The following MDFIC variants were observed in gnomAD, a reference collection of about 807,000 sequenced individuals.
MDFIC encodes the protein myoD family inhibitor domain-containing protein.
A neutral mutation model predicts 23.2 loss-of-function variants in MDFIC; 17 were observed. The ratio of observed to expected loss-of-function variants is 0.73; its 90% confidence interval spans 0.50 to 1.10. The LOEUF is 1.10. MDFIC is among the 50% of genes least tolerant of loss of function. MDFIC has a pLI of 0.00. For missense variants in MDFIC, 356 were observed against 316.6 expected (o/e 1.12, Z -0.95); for synonymous variants, 120 against 115.2 (o/e 1.04, Z -0.27).
intron 4 of MDFIC, among the ~76,000 whole-genome samples, chr7:115,007,987 C>G (rs372482837): frequency 6.6e-6 from 1 of 151,440 alleles, no homozygotes; most frequent in African/African-American, 2.4e-5. Flanking sequence ...AATGAACTAC[C>G]GCACCCCAGC....
chr7:114,938,312 AT>A (rs1792470080), intron 2 of MDFIC, among the ~76,000 whole-genome samples: 1 of 152,214 alleles, frequency 6.6e-6, no homozygotes, highest in African/African-American at 2.4e-5. Context: ...ATACCTCTAT[AT>A]TAATTAGATG....
At chr7:114,934,397 A>G (rs1350257559) in intron 2 of MDFIC, among the ~76,000 whole-genome samples, 1 of 152,126 alleles carries the variant, frequency 6.6e-6, no homozygotes, top group African/African-American at 2.4e-5. Context: ...ATTTATTGAG[A>G]TATATTTTAA....
At chr7:114,941,390 C>T (rs1440763579) in intron 2 of MDFIC, among the ~76,000 whole-genome samples, 3 of 152,206 alleles carry the variant, frequency 2.0e-5, no homozygotes, top group Non-Finnish European at 4.4e-5. Flanking sequence ...ATTTGCCACT[C>T]ATAGTACTTC....
intron 4 of MDFIC, chr7:115,014,397 A>AT: frequency 7.8e-7 from 1 of 1,289,110 alleles, no homozygotes; most frequent in Non-Finnish European, 1.0e-6. Flanking sequence ...GAAGCGCATG[A>AT]TTTTTTATTA....
rs151113214 is a variant in MDFIC at position 114,998,025 on chromosome 7, A to T, written c.494-17663A>T. ...CTAAGAAAATATTTTATCATTTGGG[A>T]CGATGAAAAATACACTAAAAGTTTC... On this transcript the variant is annotated intron_variant, in intron 4 of 4. Coordinates refer to ENST00000393486, the MANE Select transcript of MDFIC (RefSeq NM_001166345.3). Among the ~76,000 whole-genome samples, 412 of 152,276 alleles carry T rather than the reference A, an allele frequency of 2.7e-3. 1 individual carries two copies. Among genetic ancestry groups the T allele is most frequent in the African/African-American group, 8.6e-3 (358 of 41,574 alleles).
intron 3 of MDFIC, among the ~76,000 whole-genome samples, chr7:114,944,768 A>G (rs897048325): frequency 6.6e-6 from 1 of 152,182 alleles, no homozygotes; most frequent in African/African-American, 2.4e-5. Context: ...CTTTTGTAAT[A>G]ACAATAGGCC....
At chr7:114,950,120 G>A (rs915997723) in intron 3 of MDFIC, among the ~76,000 whole-genome samples, 1 of 152,156 alleles carries the variant, frequency 6.6e-6, no homozygotes, top group African/African-American at 2.4e-5. Flanking sequence ...TATATTTTAG[G>A]ATGATGACTC....
intron 4 of MDFIC, among the ~76,000 whole-genome samples, chr7:115,013,023 G>T (rs1004953343): frequency 3.2e-4 from 49 of 152,082 alleles, no homozygotes; most frequent in African/African-American, 1.1e-3. Context: ...ATCAATCATT[G>T]TATGTTAATT....
intron 3 of MDFIC, among the ~76,000 whole-genome samples, chr7:114,949,263 TA>T (rs1489894612): frequency 6.6e-6 from 1 of 152,166 alleles, no homozygotes; most frequent in Non-Finnish European, 1.5e-5. Context: ...GAGATGGCAT[TA>T]AAGTGTAAGT....
intron 4 of MDFIC, among the ~76,000 whole-genome samples, chr7:115,008,664 G>A (rs1328471255): frequency 6.6e-6 from 1 of 152,152 alleles, no homozygotes; most frequent in Non-Finnish European, 1.5e-5. Flanking sequence ...TGTGGTATTA[G>A]TAAACATTTC....
intron 3 of MDFIC, among the ~76,000 whole-genome samples, chr7:114,972,958 T>C (rs894127349): frequency 6.6e-6 from 1 of 152,142 alleles, no homozygotes. Flanking sequence ...GCATTCTTTC[T>C]ACTACTATTA....
intron 2 of MDFIC, among the ~76,000 whole-genome samples, chr7:114,939,612 G>A (rs910731936): frequency 6.6e-6 from 1 of 152,120 alleles, no homozygotes; most frequent in African/African-American, 2.4e-5. Flanking sequence ...ATATAGTTGT[G>A]CATCTATGTG....
At chr7:115,006,286 G>A (rs896196210) in intron 4 of MDFIC, among the ~76,000 whole-genome samples, 2 of 152,176 alleles carry the variant, frequency 1.3e-5, no homozygotes, top group African/African-American at 4.8e-5. Context: ...TGTGAATATT[G>A]TCAGTATCAG....
intron 2 of MDFIC, among the ~76,000 whole-genome samples, chr7:114,927,590 A>T (rs950001008): frequency 6.6e-6 from 1 of 152,152 alleles, no homozygotes; most frequent in African/African-American, 2.4e-5. Context: ...ATTAATAAGG[A>T]TGAGAGACTA....
rs2115650350 is a variant in MDFIC, at chr7:114,922,321, T to C, written c.-423T>C. 1.0e-6 allele frequency: 1 copy of C among 956,562 alleles called. No homozygotes were observed. The highest frequency in any genetic ancestry group is 1.4e-6 in the Non-Finnish European group (1 of 737,628). 59.3% of individuals were successfully genotyped at this position (956,562 alleles called of 1,614,324 possible). A position where few individuals can be genotyped will look rare whatever the true frequency, so the allele number is the denominator to read the frequency against. Reference sequence around the variant, plus strand: ...CAACAGAGGGAGAAGTGTTTCAGGATTGTAGGAGTGGAAGAGGGGAAAGAG... The same window carrying C: ...CAACAGAGGGAGAAGTGTTTCAGGACTGTAGGAGTGGAAGAGGGGAAAGAG... On this transcript the variant is annotated 5_prime_UTR_variant, in exon 1 of 5. Coordinates refer to ENST00000393486, the MANE Select transcript of MDFIC (RefSeq NM_001166345.3).
At chr7:114,997,756 GAAA>G (rs763082935) in intron 4 of MDFIC, among the ~76,000 whole-genome samples, 1 of 51,422 alleles carries the variant, frequency 1.9e-5, no homozygotes, top group East Asian at 4.4e-4. Context: ...CATCTAAACA[GAAA>G]AAAAAAAAGA....
At chr7:114,985,404 G>A (rs987620355) in intron 4 of MDFIC, among the ~76,000 whole-genome samples, 3 of 152,110 alleles carry the variant, frequency 2.0e-5, no homozygotes, top group Non-Finnish European at 4.4e-5. Context: ...GACAAAGATA[G>A]TTTAGGGAGT....
intron 3 of MDFIC, among the ~76,000 whole-genome samples, chr7:114,960,592 A>T (rs1792970955): frequency 6.6e-6 from 1 of 152,218 alleles, no homozygotes. Context: ...TTTTAAATAT[A>T]ATGAAAGATC....
chr7:114,995,079 C>T (rs1791293493), intron 4 of MDFIC, among the ~76,000 whole-genome samples: 3 of 152,284 alleles, frequency 2.0e-5, no homozygotes, highest in African/African-American at 7.2e-5. Context: ...CTTCTCTTCT[C>T]ACTTCATTTC....
Sources: allele counts gnomAD v4.1 joint callset (sites outside exome capture counted in the v4.1 genomes callset), GRCh38; gene constraint gnomAD v4.1.1; transcripts MANE v1.5; gene names NCBI Gene and HGNC (gene_info 2026-07-23, HGNC 2026-07-21).